AP3B1: variants seen among roughly 807,000 people sequenced by gnomAD.
The protein encoded by AP3B1 is AP-3 complex subunit beta-1.
AP3B1 carries 61 observed loss-of-function variants against 132.5 expected under a neutral mutation model. That is an observed-to-expected ratio of 0.46 (90% CI 0.37 to 0.57). The LOEUF is 0.57. Among genes scored for constraint, AP3B1 ranks in the 20% least tolerant of loss-of-function variants. The pLI is 0.00. For missense variants in AP3B1, 1,120 were observed against 1,289.4 expected, an observed-to-expected ratio of 0.87 and a Z score of 2.01; for synonymous variants, 388 against 438.3, an observed-to-expected ratio of 0.89 and a Z score of 1.43.
intron 6 of AP3B1, among the ~76,000 whole-genome samples, chr5:78,218,967 C>T (rs1746070778): frequency 6.6e-6 from 1 of 152,062 alleles, no homozygotes; most frequent in Non-Finnish European, 1.5e-5. Flanking sequence ...AGATCTATCA[C>T]AATAAAACAT....
At chr5:78,171,697 G>A (rs538785179) in intron 11 of AP3B1, among the ~76,000 whole-genome samples, 1 of 152,256 alleles carries the variant, frequency 6.6e-6, no homozygotes, top group African/African-American at 2.4e-5. Flanking sequence ...GGGACAATTT[G>A]ACTTCCTCTT....
At chr5:78,077,208 C>T (rs1350410458) in intron 22 of AP3B1, among the ~76,000 whole-genome samples, 1 of 152,160 alleles carries the variant, frequency 6.6e-6, no homozygotes, top group East Asian at 1.9e-4. Context: ...GATCACTTTT[C>T]TTAATGAGCC....
At chr5:78,212,323 A>G (rs138002686) in intron 7 of AP3B1, among the ~76,000 whole-genome samples, 1 of 152,308 alleles carries the variant, frequency 6.6e-6, no homozygotes, top group Non-Finnish European at 1.5e-5. Flanking sequence ...AGCAAAAATG[A>G]TAAGCCATTA....
chr5:78,154,079 T>C (rs1209358205), intron 14 of AP3B1, among the ~76,000 whole-genome samples: 2 of 152,168 alleles, frequency 1.3e-5, no homozygotes, highest in African/African-American at 4.8e-5. Context: ...CTTACTACCA[T>C]CCTTTTCTTT....
rs34089426 is a variant in AP3B1, at chr5:78,002,980, C to T, written c.3207G>A (p.Gln1069=). ...CAGTTTTCTCAGTGTTTATGATAAG[C>T]TGGGCTGTAGAGCCTTCCTTCAGTT... ...TVELKEGSTA[Q]LIINTEKTVI... The change falls in exon 27 of 27, where the codon CAG becomes CAA. Residue 1069 remains glutamine, a synonymous_variant. Transcript: ENST00000255194. 1,062 of 1,614,172 alleles carry T rather than the reference C, an allele frequency of 6.6e-4. 2 individuals are homozygous for T. The highest frequency in any genetic ancestry group is 1.3e-3 in the Middle Eastern group (8 of 6,062).
rs748328573 is a variant in AP3B1 at position 78,193,768 on chromosome 5, A to ATTTTTT, written c.787-12107_787-12106insAAAAAA. On this transcript the variant is annotated intron_variant, in intron 7 of 26. Transcript: ENST00000255194. The stretch of plus-strand genomic sequence containing the variant: ...TTTATATATATATATATATATATAT[A>ATTTTTT]TATTTTTTTTTTAGACAGAGTCTCG... Among the ~76,000 whole-genome samples, 37 of 66,668 alleles carry ATTTTTT rather than the reference A, an allele frequency of 5.5e-4. 1 individual carries two copies. The highest frequency in any genetic ancestry group is 2.2e-3 in the African/African-American group (37 of 16,620). 43.7% of individuals were successfully genotyped at this position (66,668 alleles called of 152,430 possible). A position where few individuals can be genotyped will look rare whatever the true frequency, so the allele number is the denominator to read the frequency against.
At chr5:78,145,854 C>T (rs79197842) in intron 14 of AP3B1, among the ~76,000 whole-genome samples, 199 of 152,256 alleles carry the variant, frequency 1.3e-3, no homozygotes, top group African/African-American at 4.4e-3. Flanking sequence ...AGAGGTCTTG[C>T]TATCACTTCT....
chr5:78,095,636 T>C (rs1449538164), intron 21 of AP3B1, among the ~76,000 whole-genome samples: 1 of 152,220 alleles, frequency 6.6e-6, no homozygotes, highest in Non-Finnish European at 1.5e-5. Context: ...TTTGCATCTC[T>C]ATTTTCTCTC....
Position 78,239,822 on chromosome 5 carries a change from A to T in AP3B1, c.279+1040T>A, listed in dbSNP as rs116789688. On this transcript the variant is annotated intron_variant, in intron 3 of 26. Transcript: ENST00000255194. ...AAATCAAAATCATGATTGGGAGATT[A>T]AAAATTCCTCTCTCACCAACACTAT... Among the ~76,000 whole-genome samples the T allele has an allele frequency of 2.7e-3, 414 of 151,800 alleles. 1 individual carries two copies. Among genetic ancestry groups the T allele is most frequent in the Non-Finnish European group, 4.2e-3 (282 of 67,918 alleles).
chr5:78,182,682 A>C (rs905139077), intron 7 of AP3B1, among the ~76,000 whole-genome samples: 1 of 152,174 alleles, frequency 6.6e-6, no homozygotes, highest in African/African-American at 2.4e-5. Context: ...GCAAGATATA[A>C]AACTTTTAGA....
At chr5:78,204,247 TTTTG>T (rs1169521327) in intron 7 of AP3B1, among the ~76,000 whole-genome samples, 1 of 152,194 alleles carries the variant, frequency 6.6e-6, no homozygotes, top group Non-Finnish European at 1.5e-5. Flanking sequence ...CCTATCAGGT[TTTTG>T]TTTGTTTGTT....
intron 14 of AP3B1, among the ~76,000 whole-genome samples, chr5:78,153,083 T>C (rs115651559): frequency 0.032 from 4,881 of 152,260 alleles, 262 homozygotes; most frequent in African/African-American, 0.11. Flanking sequence ...AAGTCCAATG[T>C]TTCTTTGTTG....
intron 22 of AP3B1, among the ~76,000 whole-genome samples, chr5:78,085,660 CATT>C (rs1278532926): frequency 2.6e-5 from 4 of 152,188 alleles, no homozygotes; most frequent in Admixed American, 1.3e-4. Context: ...AAAAAGTTAT[CATT>C]ATATTATTAT....
rs1338176170 is a variant in AP3B1 at position 78,110,340 on chromosome 5, C to T, written c.2264G>A (p.Gly755Glu). ...KAKGKSDSED[G>E]EKENEKSKTS... ...TTTAGATTTTTCATTTTCCTTCTCC[C>T]CATCTTCAGAATCACTACACATAAT... is the stretch of plus-strand genomic sequence containing the variant. The change falls in exon 20 of 27, where the codon GGG (glycine) becomes GAG (glutamate). Residue 755 changes from glycine (G) to glutamate (E), a missense_variant. Transcript: ENST00000255194. 3.1e-6 allele frequency: 5 copies of T among 1,608,526 alleles called. No individual in the cohort carries two copies. Among genetic ancestry groups the T allele is most frequent in the East Asian group, 2.2e-5 (1 of 44,716 alleles).
intron 15 of AP3B1, among the ~76,000 whole-genome samples, chr5:78,138,669 G>A (rs1478864231): frequency 6.6e-6 from 1 of 151,832 alleles, no homozygotes; most frequent in African/African-American, 2.4e-5. Flanking sequence ...GAGGCCTATT[G>A]TAGTTTCCTA....
At chr5:78,075,559 C>T (rs1296494721) in intron 22 of AP3B1, among the ~76,000 whole-genome samples, 1 of 152,186 alleles carries the variant, frequency 6.6e-6, no homozygotes, top group Non-Finnish European at 1.5e-5. Flanking sequence ...AGCAAAAATC[C>T]GTAAGACTAC....
chr5:78,013,934 C>A (rs191206446), intron 26 of AP3B1, among the ~76,000 whole-genome samples: 83 of 152,202 alleles, frequency 5.5e-4, no homozygotes, highest in African/African-American at 1.8e-3. Context: ...GAGGCCGAGA[C>A]GGGTGGATCA....
intron 22 of AP3B1, chr5:78,087,644 C>A (rs1477075052): frequency 4.1e-6 from 4 of 985,202 alleles, no homozygotes; most frequent in Non-Finnish European, 4.8e-6. Context: ...TTTTGCCCAA[C>A]TTTAGATGGA....
At chr5:78,216,325 T>C (rs1269041240) in intron 6 of AP3B1, 88 bp from the exon 7 acceptor site, 1 of 1,232,390 alleles carries the variant, frequency 8.1e-7, no homozygotes. Context: ...ATCAGTTTCA[T>C]GCCAATCAGT....
Sources: allele counts gnomAD v4.1 joint callset (sites outside exome capture counted in the v4.1 genomes callset), GRCh38; gene constraint gnomAD v4.1.1; transcripts MANE v1.5; gene names NCBI Gene and HGNC (gene_info 2026-07-23, HGNC 2026-07-21).